PCCA: variants seen among roughly 807,000 people sequenced by gnomAD.
PCCA encodes propionyl-CoA carboxylase alpha chain, mitochondrial.
A neutral mutation model predicts 101.3 loss-of-function variants in PCCA; 74 were observed. That is an observed-to-expected ratio of 0.73 (90% CI 0.61 to 0.89). PCCA has a LOEUF of 0.89. Ranked by LOEUF, PCCA falls within the 40% of genes least tolerant of loss-of-function variation. The pLI, the probability that PCCA is intolerant of heterozygous loss-of-function variation, is 0.00. For synonymous variants in PCCA, 294 were observed against 313.6 expected, an observed-to-expected ratio of 0.94 and a Z score of 0.66; for missense variants, 891 against 907.0, an observed-to-expected ratio of 0.98 and a Z score of 0.23.
intron 15 of PCCA, among the ~76,000 whole-genome samples, chr13:100,307,868 T>A (rs1463255578): frequency 6.6e-6 from 1 of 152,206 alleles, no homozygotes; most frequent in African/African-American, 2.4e-5. Flanking sequence ...ATTTTATTAT[T>A]ATTTTTTTGA....
chr13:100,093,068 T>C (rs917483955), intron 1 of PCCA, among the ~76,000 whole-genome samples: 5 of 152,222 alleles, frequency 3.3e-5, no homozygotes, highest in Admixed American at 3.3e-4. Flanking sequence ...AAAGGATTTG[T>C]TTAAATGATT....
intron 7 of PCCA, among the ~76,000 whole-genome samples, chr13:100,232,351 C>CGTGTGTGTGTGTGTGTGTGT (rs375554722): frequency 9.9e-5 from 13 of 131,266 alleles, no homozygotes; most frequent in East Asian, 4.4e-4. Context: ...TGTGTGTATG[C>CGTGTGTGTGTGTGTGTGTGT]GTGTGTGTGT....
intron 19 of PCCA, among the ~76,000 whole-genome samples, chr13:100,391,816 A>T (rs1410294285): frequency 3.3e-5 from 5 of 152,178 alleles, no homozygotes; most frequent in African/African-American, 1.2e-4. Context: ...TATTTAGATC[A>T]CTTTCATAAA....
intron 17 of PCCA, among the ~76,000 whole-genome samples, chr13:100,338,520 A>G (rs1261312300): frequency 6.6e-6 from 1 of 152,260 alleles, no homozygotes; most frequent in East Asian, 1.9e-4. Context: ...TTGGCAGGTC[A>G]TGCTATGAGA....
intron 18 of PCCA, among the ~76,000 whole-genome samples, chr13:100,343,745 T>C (rs1201590722): frequency 6.6e-6 from 1 of 152,236 alleles, no homozygotes; most frequent in Non-Finnish European, 1.5e-5. Context: ...GTGATATAAA[T>C]GTATTACAAT....
intron 4 of PCCA, among the ~76,000 whole-genome samples, chr13:100,147,784 C>A (rs1182547173): frequency 1.3e-5 from 2 of 151,988 alleles, no homozygotes; most frequent in South Asian, 2.1e-4. Context: ...TTATTTATTT[C>A]TTTTTTTACT....
intron 21 of PCCA, chr13:100,491,765 T>A: frequency 2.5e-6 from 3 of 1,212,940 alleles, no homozygotes; most frequent in Non-Finnish European, 3.2e-6. Context: ...CAAGCTCTTT[T>A]GGATTTGTAA....
At chr13:100,488,246 A>T (rs528491720) in intron 21 of PCCA, among the ~76,000 whole-genome samples, 36 of 152,244 alleles carry the variant, frequency 2.4e-4, no homozygotes, top group African/African-American at 8.7e-4. Context: ...GGCATGCGCC[A>T]CCATGCACGG....
intron 7 of PCCA, among the ~76,000 whole-genome samples, chr13:100,231,728 C>CATTT (rs747293510): frequency 7.2e-5 from 11 of 152,170 alleles, no homozygotes; most frequent in South Asian, 4.2e-4. Flanking sequence ...CTACCTTTTA[C>CATTT]ATTTATTTAT....
intron 20 of PCCA, among the ~76,000 whole-genome samples, chr13:100,427,330 G>A (rs938655049): frequency 6.6e-6 from 1 of 152,160 alleles, no homozygotes; most frequent in Non-Finnish European, 1.5e-5. Flanking sequence ...TTTGTCAGAG[G>A]GACATAGTGT....
At position 100,503,497 on chromosome 13, in the gene PCCA, A is replaced by G. The variant is rs534018387; in HGVS notation, c.1900-11930A>G. Reference sequence around the variant, plus strand: ...AAGAGCGAAACTCCATCCCCCCCCAAAAAAGAAATTATAATAAAATAAAGT... The same window carrying G: ...AAGAGCGAAACTCCATCCCCCCCCAGAAAAGAAATTATAATAAAATAAAGT... On this transcript the variant is annotated intron_variant, in intron 21 of 23. Transcript: ENST00000376285. Among the ~76,000 whole-genome samples, 13 of 152,224 alleles carry G rather than the reference A, an allele frequency of 8.5e-5. No homozygotes were observed. In the South Asian group the frequency reaches 2.7e-3, roughly 32 times the overall value.
chr13:100,140,404 A>G (rs892237516), intron 4 of PCCA, among the ~76,000 whole-genome samples: 3 of 152,136 alleles, frequency 2.0e-5, no homozygotes, highest in Non-Finnish European at 4.4e-5. Flanking sequence ...GTTGGGGCAA[A>G]AAAGAATAGA....
At chr13:100,446,690 T>G (rs1173326145) in intron 20 of PCCA, among the ~76,000 whole-genome samples, 1 of 152,220 alleles carries the variant, frequency 6.6e-6, no homozygotes, top group Non-Finnish European at 1.5e-5. Flanking sequence ...TTATTCCATT[T>G]TGTTTTCTGT....
At chr13:100,278,581 G>C (rs1262248448) in intron 12 of PCCA, among the ~76,000 whole-genome samples, 1 of 151,958 alleles carries the variant, frequency 6.6e-6, no homozygotes, top group Non-Finnish European at 1.5e-5. Context: ...CCGGGTTCAG[G>C]CAATTCTCCT....
chr13:100,443,599 A>G (rs1194601953), intron 20 of PCCA, among the ~76,000 whole-genome samples: 2 of 152,004 alleles, frequency 1.3e-5, no homozygotes, highest in African/African-American at 4.8e-5. Flanking sequence ...TTTTTGTCGT[A>G]TGAAGCTGAA....
chr13:100,238,830 T>C lies in PCCA; in HGVS notation c.637+2952T>C, dbSNP rs561094048. ...GAGATATATCACATTTTAACTATGA[T>C]TATGATTCCATGTGAAAATGTGTTC... On this transcript the variant is annotated intron_variant, in intron 8 of 23. Coordinates refer to ENST00000376285, the MANE Select transcript of PCCA (RefSeq NM_000282.4). Among the ~76,000 whole-genome samples the C allele has an allele frequency of 7.2e-5, 11 of 152,344 alleles. No homozygotes were observed. In the South Asian group the frequency reaches 2.3e-3, roughly 32 times the overall value.
At chr13:100,328,785 C>G (rs2069088768) in intron 16 of PCCA, among the ~76,000 whole-genome samples, 1 of 149,602 alleles carries the variant, frequency 6.7e-6, no homozygotes, top group African/African-American at 2.5e-5. Flanking sequence ...CCTCCACCTC[C>G]CAGGTTCAAG....
intron 7 of PCCA, among the ~76,000 whole-genome samples, chr13:100,214,974 G>C (rs992129146): frequency 2.6e-5 from 4 of 152,108 alleles, no homozygotes; most frequent in Non-Finnish European, 4.4e-5. Flanking sequence ...TGTTTTAAAT[G>C]GTTGGATTTT....
At chr13:100,493,496 C>T (rs1410353270) in intron 21 of PCCA, among the ~76,000 whole-genome samples, 3 of 152,200 alleles carry the variant, frequency 2.0e-5, no homozygotes, top group Non-Finnish European at 4.4e-5. Flanking sequence ...AGAGAGCCAA[C>T]CCACGTGGAT....
Sources: gnomAD v4.1 joint callset for allele counts (sites outside exome capture counted in the v4.1 genomes callset) on GRCh38, gnomAD v4.1.1 for gene constraint, MANE v1.5 for transcripts, NCBI Gene and HGNC (gene_info 2026-07-23, HGNC 2026-07-21) for gene names.